ZDHHC11: variants seen among roughly 807,000 people sequenced by gnomAD.
ZDHHC11 encodes the protein palmitoyltransferase ZDHHC11.
Under a neutral mutation model 51.3 loss-of-function variants are expected in ZDHHC11, and 44 were observed. That is an observed-to-expected ratio of 0.86 (90% confidence interval 0.67 to 1.10). ZDHHC11 has a LOEUF of 1.10. Ranked by LOEUF, ZDHHC11 falls within the 50% of genes least tolerant of loss-of-function variation. The pLI is 0.00. For missense variants in ZDHHC11, 400 were observed against 537.7 expected (o/e 0.74, Z 2.53); for synonymous variants, 163 against 222.0 (o/e 0.73, Z 2.36).
intron 8 of ZDHHC11, chr5:824,176 C>T (rs67912577): frequency 1.2e-5 from 5 of 432,238 alleles, no homozygotes; most frequent in Middle Eastern, 3.3e-4. Context: ...GACCAGCCTG[C>T]GGCCTGGCGT....
intron 1 of ZDHHC11, among the ~76,000 whole-genome samples, chr5:849,967 C>T (rs918816946): frequency 3.8e-4 from 58 of 152,148 alleles, no homozygotes; most frequent in African/African-American, 1.3e-3. Flanking sequence ...CGCAGTGTGG[C>T]CTAAGCTTGG....
chr5:846,594 C>T (rs1336927314), intron 3 of ZDHHC11, among the ~76,000 whole-genome samples: 1 of 123,332 alleles, frequency 8.1e-6, no homozygotes, highest in African/African-American at 4.4e-5. Flanking sequence ...CTCGTTCTTG[C>T]ACCTCCACCA....
chr5:843,183 C>A (rs1241994030), intron 4 of ZDHHC11, among the ~76,000 whole-genome samples: 1 of 152,286 alleles, frequency 6.6e-6, no homozygotes, highest in Non-Finnish European at 1.5e-5. Flanking sequence ...AGCCTACAGC[C>A]CAGCACCCTC....
intron 3 of ZDHHC11, among the ~76,000 whole-genome samples, chr5:844,438 G>A (rs1168748753): frequency 7.2e-4 from 110 of 152,014 alleles, no homozygotes; most frequent in African/African-American, 2.3e-3. Flanking sequence ...GTCACACGGC[G>A]TCTCCAGTGT....
intron 1 of ZDHHC11, 93 bp from the exon 2 acceptor site, chr5:848,753 C>T: frequency 6.6e-7 from 1 of 1,523,660 alleles, no homozygotes; most frequent in South Asian, 1.3e-5. Flanking sequence ...GGCGTGGCCG[C>T]TGGTCAGCCC....
At chr5:845,217 T>C (rs1449113169) in intron 3 of ZDHHC11, among the ~76,000 whole-genome samples, 15 of 152,312 alleles carry the variant, frequency 9.8e-5, no homozygotes, top group African/African-American at 3.4e-4. Flanking sequence ...ACAGCTTAGG[T>C]TTCCCAAGCA....
intron 10 of ZDHHC11, among the ~76,000 whole-genome samples, chr5:819,140 T>TA (rs1361142027): frequency 6.6e-6 from 1 of 151,630 alleles, no homozygotes; most frequent in African/African-American, 2.4e-5. Context: ...CATTTTATTT[T>TA]AAAACCACAG....
rs1341729757 is a variant in ZDHHC11 at position 796,484 on chromosome 5, G to A, written c.*104C>T. The A allele has an allele frequency of 2.7e-5, 4 of 148,682 alleles. No individual in the cohort carries two copies. 9.2% of individuals were successfully genotyped at this position (148,682 alleles called of 1,614,324 possible). ...GGTTCCTGGCCTGTAGCATGGGTAG[G>A]AGCAGGAGGCTTTGCAAGGTAGACT... On this transcript the variant is annotated 3_prime_UTR_variant, in exon 13 of 13. Coordinates refer to ENST00000283441, the MANE Select transcript of ZDHHC11 (RefSeq NM_024786.3).
At chr5:844,123 C>T (rs1745691330) in intron 3 of ZDHHC11, among the ~76,000 whole-genome samples, 1 of 151,826 alleles carries the variant, frequency 6.6e-6, no homozygotes, top group African/African-American at 2.4e-5. Context: ...CGCCTGGCCA[C>T]CGCCCAACGC....
chr5:799,309 T>C (rs1055311205), intron 12 of ZDHHC11, among the ~76,000 whole-genome samples: 3 of 151,316 alleles, frequency 2.0e-5, no homozygotes, highest in Non-Finnish European at 3.0e-5. Flanking sequence ...GTCAGCTCCC[T>C]TCACCTTCTG....
At position 844,158 on chromosome 5, in the gene ZDHHC11, G is replaced by T; in HGVS notation, c.504-434C>A. ...CTGGCCTCAAACCCTGCTCCCGACC[G>T]CGCCTGGAAGCTCAGGCTCCTGTCT... On this transcript the variant is annotated intron_variant, in intron 3 of 12. Transcript: ENST00000283441. Among the ~76,000 whole-genome samples, 2 of 149,936 alleles carry T rather than the reference G, an allele frequency of 1.3e-5. 1 individual carries two copies. Among genetic ancestry groups the T allele is most frequent in the African/African-American group, 5.0e-5 (2 of 40,084 alleles).
intron 11 of ZDHHC11, among the ~76,000 whole-genome samples, chr5:813,853 G>A (rs1740415138): frequency 7.0e-6 from 1 of 142,602 alleles, no homozygotes; most frequent in Non-Finnish European, 1.5e-5. Flanking sequence ...CTGTGTCAGT[G>A]TGAGAGAGTG....
At chr5:846,782 G>A (rs202210348) in intron 3 of ZDHHC11, among the ~76,000 whole-genome samples, 1,461 of 94,402 alleles carry the variant, frequency 0.015, 37 homozygotes, top group African/African-American at 0.078. Context: ...AACACCTCTC[G>A]TCTATGAGCC....
chr5:819,409 T>G, intron 10 of ZDHHC11, 116 bp downstream of exon 10: 1 of 1,106,448 alleles, frequency 9.0e-7, no homozygotes, highest in East Asian at 2.4e-5. Flanking sequence ...GCAGCACCCT[T>G]GGACACAGAG....
chr5:816,540 T>C, intron 10 of ZDHHC11: 2 of 564,298 alleles, frequency 3.5e-6, no homozygotes, highest in South Asian at 1.4e-5. Context: ...GCCAAAAAGA[T>C]ACTTCTGGAA....
At chr5:840,297 C>T (rs616803) in intron 5 of ZDHHC11, 198 bp downstream of exon 5, 1 of 856,774 alleles carries the variant, frequency 1.2e-6, no homozygotes, top group Admixed American at 2.0e-5. Flanking sequence ...TTAATTTCTT[C>T]CTGTGATTTG....
At chr5:807,294 G>T (rs1333196321) in intron 11 of ZDHHC11, among the ~76,000 whole-genome samples, 2 of 150,936 alleles carry the variant, frequency 1.3e-5, no homozygotes, top group Non-Finnish European at 3.0e-5. Context: ...TTGCACGTAT[G>T]TATGTACTCT....
At chr5:827,647 C>T (rs899384258) in intron 7 of ZDHHC11, among the ~76,000 whole-genome samples, 9 of 151,060 alleles carry the variant, frequency 6.0e-5, no homozygotes, top group Admixed American at 1.3e-4. Flanking sequence ...CAACATTATA[C>T]GATGATAAAA....
upstream of ZDHHC11, among the ~76,000 whole-genome samples, chr5:854,933 T>G (rs1374660056): frequency 4.7e-5 from 4 of 85,038 alleles, no homozygotes; most frequent in African/African-American, 1.9e-4. Flanking sequence ...GCAGTGGGGA[T>G]AGACCCCACC....
Sources: gnomAD v4.1 joint callset for allele counts (sites outside exome capture counted in the v4.1 genomes callset) on GRCh38, gnomAD v4.1.1 for gene constraint, MANE v1.5 for transcripts, NCBI Gene and HGNC (gene_info 2026-07-23, HGNC 2026-07-21) for gene names.